The following FHIT variants were observed in gnomAD, a reference collection of about 807,000 sequenced individuals.
FHIT encodes bis(5'-adenosyl)-triphosphatase.
FHIT carries 19 observed loss-of-function variants against 17.9 expected under a neutral mutation model. The observed-to-expected ratio is 1.06, with a 90% CI of 0.74 to 1.56. The LOEUF (loss-of-function observed/expected upper bound fraction) is 1.56, where lower values mean the gene tolerates loss of function less well. FHIT is among the 40% of genes most tolerant of loss of function. FHIT has a pLI of 0.00. For missense variants in FHIT, 248 were observed against 189.2 expected, an observed-to-expected ratio of 1.31 and a Z score of -1.82; for synonymous variants, 81 against 69.7, an observed-to-expected ratio of 1.16 and a Z score of -0.81.
chr3:60,624,815 T>C lies in FHIT; in HGVS notation c.-17-87836A>G, dbSNP rs568015730. Among the ~76,000 whole-genome samples, 4 of 152,326 alleles carry C rather than the reference T, an allele frequency of 2.6e-5. No individual in the cohort carries two copies. The South Asian group carries it at 8.3e-4, about 32-fold the overall frequency. On this transcript the variant is annotated intron_variant, in intron 4 of 9. Transcript: ENST00000492590. The stretch of plus-strand genomic sequence containing the variant: ...CATGTATCAGTACTTCATTCCTTTT[T>C]TTTACAAGATGATATTGAATTGACA...
At chr3:61,204,654 C>A (rs1054808004) in intron 1 of FHIT, among the ~76,000 whole-genome samples, 13 of 151,914 alleles carry the variant, frequency 8.6e-5, no homozygotes, top group African/African-American at 1.2e-4. Flanking sequence ...TAAAATCTTG[C>A]TATGTGTTGT....
chr3:60,622,523 A>G (rs1576988661), intron 4 of FHIT, among the ~76,000 whole-genome samples: 2 of 152,310 alleles, frequency 1.3e-5, no homozygotes, highest in East Asian at 1.9e-4. Flanking sequence ...GACTATAACA[A>G]AACAATCAGA....
intron 4 of FHIT, among the ~76,000 whole-genome samples, chr3:60,622,744 A>G (rs782805128): frequency 1.5e-4 from 23 of 152,206 alleles, no homozygotes; most frequent in Non-Finnish European, 2.5e-4. Context: ...TAGAGAAAGC[A>G]TGCCTGCTTT....
Position 59,749,512 on chromosome 3 carries a change from AGGCGGGG to A in FHIT, c.*66_*72del, listed in dbSNP as rs1259663967. On this transcript the variant is annotated 3_prime_UTR_variant, in exon 10 of 10. Transcript: ENST00000492590. ...TGCTGATTCAGTTCCTCTTGGGGAGAGGCGGGGGGCGGTCTTCAAACTGGTTGGCAAT... is the reference window on the plus strand; with the variant it reads ...TGCTGATTCAGTTCCTCTTGGGGAGAGGCGGTCTTCAAACTGGTTGGCAAT... 3 of 125,710 alleles carry A rather than the reference AGGCGGGG, an allele frequency of 2.4e-5. No individual in the cohort carries two copies. Among genetic ancestry groups the A allele is most frequent in the Non-Finnish European group, 4.1e-5 (3 of 73,376 alleles). The allele number at this position is 125,710 out of a possible 1,614,324, so 7.8% of individuals were successfully genotyped here.
chr3:59,846,321 A>G (rs1701718450), intron 8 of FHIT, among the ~76,000 whole-genome samples: 1 of 152,108 alleles, frequency 6.6e-6, no homozygotes, highest in African/African-American at 2.4e-5. Context: ...AAGTTATTAC[A>G]CTGTAATTTG....
chr3:60,700,640 A>C (rs1013379588), intron 4 of FHIT, among the ~76,000 whole-genome samples: 4 of 152,202 alleles, frequency 2.6e-5, no homozygotes, highest in Admixed American at 2.0e-4. Flanking sequence ...AGAGTCAAAG[A>C]GCAAGTGTAC....
chr3:60,996,903 T>C (rs1450170695), intron 3 of FHIT, among the ~76,000 whole-genome samples: 4 of 152,258 alleles, frequency 2.6e-5, no homozygotes, highest in Non-Finnish European at 5.9e-5. Flanking sequence ...TGATCAATAG[T>C]GTTTAGTAAT....
intron 5 of FHIT, among the ~76,000 whole-genome samples, chr3:60,205,647 G>C (rs1703136463): frequency 6.6e-6 from 1 of 152,144 alleles, no homozygotes; most frequent in African/African-American, 2.4e-5. Context: ...ATGTGTACGG[G>C]AATGGGATAG....
chr3:60,425,965 T>C lies in FHIT; in HGVS notation c.103+110895A>G, dbSNP rs142286696. Among the ~76,000 whole-genome samples the C allele has an allele frequency of 4.5e-3, 690 of 152,244 alleles. 2 individuals carry two copies. The highest frequency in any genetic ancestry group is 0.017 in the Middle Eastern group (5 of 294). On this transcript the variant is annotated intron_variant, in intron 5 of 9. Transcript: ENST00000492590. ...ACCTGGCTGGGGAATTGATATGTAA[T>C]ATGCAGAGAATTTATGTGCACAGCA...
intron 5 of FHIT, among the ~76,000 whole-genome samples, chr3:60,406,234 T>C (rs1701852496): frequency 6.6e-6 from 1 of 152,172 alleles, no homozygotes; most frequent in African/African-American, 2.4e-5. Context: ...ATAAAGGACA[T>C]AAAAGTGTTT....
intron 5 of FHIT, among the ~76,000 whole-genome samples, chr3:60,267,932 T>G (rs1020146444): frequency 6.6e-6 from 1 of 152,196 alleles, no homozygotes; most frequent in African/African-American, 2.4e-5. Flanking sequence ...TTAAAAGTGC[T>G]AAACTATAAA....
intron 5 of FHIT, among the ~76,000 whole-genome samples, chr3:60,279,097 AG>A (rs1707304951): frequency 1.3e-5 from 2 of 152,120 alleles, no homozygotes; most frequent in Non-Finnish European, 2.9e-5. Flanking sequence ...CAAAACCAAA[AG>A]CTAATTATTT....
At chr3:60,901,560 G>C (rs1706112908) in intron 3 of FHIT, among the ~76,000 whole-genome samples, 1 of 152,190 alleles carries the variant, frequency 6.6e-6, no homozygotes, top group South Asian at 2.1e-4. Flanking sequence ...AAGGTAAAAA[G>C]TGTAGTTACT....
At chr3:60,715,844 G>A (rs1327199834) in intron 4 of FHIT, among the ~76,000 whole-genome samples, 2 of 152,022 alleles carry the variant, frequency 1.3e-5, no homozygotes, top group East Asian at 1.9e-4. Context: ...AAAAGAAAAA[G>A]AGCAACTTAG....
intron 3 of FHIT, among the ~76,000 whole-genome samples, chr3:60,867,143 T>C (rs1704201484): frequency 6.6e-6 from 1 of 152,200 alleles, no homozygotes; most frequent in Non-Finnish European, 1.5e-5. Flanking sequence ...GAAGCTGCTA[T>C]GTATTTGTGG....
At chr3:60,391,695 A>G (rs1267057565) in intron 5 of FHIT, among the ~76,000 whole-genome samples, 1 of 152,236 alleles carries the variant, frequency 6.6e-6, no homozygotes, top group Non-Finnish European at 1.5e-5. Context: ...CTACATGTGC[A>G]GTAGGTTACA....
intron 5 of FHIT, among the ~76,000 whole-genome samples, chr3:60,326,352 C>T (rs1211822547): frequency 6.6e-6 from 1 of 152,080 alleles, no homozygotes; most frequent in Non-Finnish European, 1.5e-5. Flanking sequence ...AGTGACAGAT[C>T]ATCAGGCATT....
At chr3:60,091,606 C>A (rs889973138) in intron 5 of FHIT, among the ~76,000 whole-genome samples, 9 of 152,106 alleles carry the variant, frequency 5.9e-5, no homozygotes, top group African/African-American at 2.2e-4. Flanking sequence ...GATTGTAATC[C>A]TTAATGTTGG....
chr3:60,291,267 T>C (rs78919738), intron 5 of FHIT, among the ~76,000 whole-genome samples: 2,041 of 152,214 alleles, frequency 0.013, 29 homozygotes, highest in Middle Eastern at 0.024. Context: ...CTGATTTACA[T>C]AGGGTGAAAG....
Sources: allele counts gnomAD v4.1 joint callset (sites outside exome capture counted in the v4.1 genomes callset), GRCh38; gene constraint gnomAD v4.1.1; transcripts MANE v1.5; gene names NCBI Gene and HGNC (gene_info 2026-07-23, HGNC 2026-07-21).